Variants in UNC79 observed in about 807,000 individuals in gnomAD.
The protein encoded by UNC79 is protein unc-79 homolog.
In UNC79, 37 loss-of-function variants were observed where a neutral mutation model predicts 283.1. That is an observed-to-expected ratio of 0.13 (90% CI 0.10 to 0.17). The LOEUF (loss-of-function observed/expected upper bound fraction) is 0.17, where lower values mean the gene tolerates loss of function less well. Ranked by LOEUF, UNC79 falls within the 10% of genes least tolerant of loss-of-function variation. The pLI, the probability that UNC79 is intolerant of heterozygous loss-of-function variation, is 1.00. For missense variants in UNC79, 2,272 were observed against 3,211.1 expected (o/e 0.71, Z 7.07); for synonymous variants, 1,107 against 1,200.2 (o/e 0.92, Z 1.61).
At chr14:93,685,767 G>A (rs984334310) in intron 42 of UNC79, among the ~76,000 whole-genome samples, 5 of 152,142 alleles carry the variant, frequency 3.3e-5, no homozygotes, top group African/African-American at 4.8e-5. Flanking sequence ...TCTCTCATAC[G>A]GCTTTGATAT....
chr14:93,538,216 C>T (rs767649688), exon 12 of UNC79: 1 of 1,586,504 alleles, frequency 6.3e-7, no homozygotes, highest in South Asian at 1.2e-5. Flanking sequence ...AAGCCGTGAT[C>T]AGGTAACACG....
chr14:93,698,799 AG>A (rs1052180117), intron 47 of UNC79, among the ~76,000 whole-genome samples: 2 of 152,068 alleles, frequency 1.3e-5, no homozygotes, highest in African/African-American at 4.8e-5. Flanking sequence ...AAAAACTTGG[AG>A]GTGATGGATA....
intron 1 of UNC79, among the ~76,000 whole-genome samples, chr14:93,359,199 C>T (rs1392069031): frequency 1.3e-5 from 2 of 152,152 alleles, no homozygotes; most frequent in East Asian, 3.8e-4. Context: ...AGATGGCCCA[C>T]TGCAAGTGAG....
intron 18 of UNC79, 65 bp from the exon 19 acceptor site, chr14:93,580,084 A>G: frequency 6.9e-7 from 1 of 1,445,174 alleles, no homozygotes; most frequent in East Asian, 2.3e-5. Flanking sequence ...CAAATGGACC[A>G]AACTCCTTCT....
At chr14:93,549,389 G>A (rs2061759548) in intron 14 of UNC79, among the ~76,000 whole-genome samples, 1 of 152,158 alleles carries the variant, frequency 6.6e-6, no homozygotes, top group South Asian at 2.1e-4. Flanking sequence ...AGCAAAACGT[G>A]TGCTCAGCAT....
At chr14:93,686,515 A>G in intron 42 of UNC79, 57 bp from the exon 46 acceptor site, 1 of 1,573,424 alleles carries the variant, frequency 6.4e-7, no homozygotes, top group Non-Finnish European at 8.7e-7. Flanking sequence ...GAGTGAGGCA[A>G]TCATTGGAGT....
chr14:93,707,077 A>C, downstream of UNC79: 5 of 694,688 alleles, frequency 7.2e-6, no homozygotes. Context: ...TTCTTGCTAC[A>C]CATATTTCTG....
intron 37 of UNC79, among the ~76,000 whole-genome samples, 157 bp from the exon 41 acceptor site, chr14:93,655,077 G>A (rs759025044): frequency 4.6e-5 from 7 of 152,010 alleles, no homozygotes; most frequent in Non-Finnish European, 7.4e-5. Context: ...CGATTTTCTC[G>A]TTATCCTTCC....
At chr14:93,452,753 T>C (rs936631548) in intron 1 of UNC79, among the ~76,000 whole-genome samples, 7 of 152,106 alleles carry the variant, frequency 4.6e-5, no homozygotes, top group African/African-American at 1.7e-4. Flanking sequence ...AGCAGGGAAA[T>C]GCAATAGCAC....
At chr14:93,460,425 G>T (rs1352506755) in intron 1 of UNC79, among the ~76,000 whole-genome samples, 2 of 149,958 alleles carry the variant, frequency 1.3e-5, no homozygotes, top group South Asian at 4.3e-4. Flanking sequence ...CAGGAGAATC[G>T]CTTGAACCTG....
chr14:93,583,794 G>A (rs1258154722), intron 20 of UNC79, among the ~76,000 whole-genome samples: 2 of 142,586 alleles, frequency 1.4e-5, no homozygotes, highest in African/African-American at 5.3e-5. Flanking sequence ...TCTTTCATAT[G>A]TTGGAGGTCT....
At chr14:93,504,273 C>CTT (rs2059430552) in intron 7 of UNC79, among the ~76,000 whole-genome samples, 1 of 151,806 alleles carries the variant, frequency 6.6e-6, no homozygotes, top group Non-Finnish European at 1.5e-5. Context: ...TCCTCCTCCT[C>CTT]CATTTCTTCC....
rs77762200 is a variant in UNC79 at position 93,499,906 on chromosome 14, G to C, written c.898+2620G>C. Among the ~76,000 whole-genome samples the C allele has an allele frequency of 4.0e-3, 611 of 152,068 alleles. 2 individuals are homozygous for C. The highest frequency in any genetic ancestry group is 0.014 in the African/African-American group (586 of 41,460). On this transcript the variant is annotated intron_variant, in intron 7 of 48. Transcript: ENST00000555664. Reference sequence around the variant, plus strand: ...TGAGTGAATAAAGTGTGAGTTGCAAGGCAGAACGTACTGCAGGCAGAAGAT... The same window carrying C: ...TGAGTGAATAAAGTGTGAGTTGCAACGCAGAACGTACTGCAGGCAGAAGAT...
intron 24 of UNC79, among the ~76,000 whole-genome samples, chr14:93,599,984 G>A (rs993522483): frequency 5.3e-5 from 8 of 151,806 alleles, no homozygotes; most frequent in Non-Finnish European, 1.2e-4. Flanking sequence ...GGCAGATCAC[G>A]AGGTCAGGAG....
intron 47 of UNC79, among the ~76,000 whole-genome samples, chr14:93,695,255 G>C (rs776818460): frequency 8.6e-5 from 13 of 152,036 alleles, no homozygotes; most frequent in Non-Finnish European, 1.5e-4. Flanking sequence ...ACCCACTAGT[G>C]GGCATCAACT....
chr14:93,591,350 T>G (rs2064662860), intron 22 of UNC79, among the ~76,000 whole-genome samples: 1 of 152,190 alleles, frequency 6.6e-6, no homozygotes, highest in Non-Finnish European at 1.5e-5. Context: ...CCCTGTGCAG[T>G]TGAAAATCCT....
rs142419436 is a variant in UNC79, at chr14:93,370,521, C to G, written c.-351+36998C>G. ...AGTGTGCTGGCTCACGCCTGTAATC[C>G]CATCACGTTGGGAGGCCAAGGTGGG... On this transcript the variant is annotated intron_variant, in intron 1 of 49. Coordinates refer to the UNC79 transcript ENST00000256339. 1.4e-3 allele frequency among the ~76,000 whole-genome samples: 219 copies of G among 152,304 alleles called. 2 individuals carry two copies. Among genetic ancestry groups the G allele is most frequent in the East Asian group, 7.9e-3 (41 of 5,186 alleles).
intron 1 of UNC79, among the ~76,000 whole-genome samples, chr14:93,406,137 A>T (rs919405429): frequency 2.6e-5 from 4 of 152,246 alleles, no homozygotes; most frequent in Non-Finnish European, 4.4e-5. Context: ...CTTTGATACT[A>T]TAATTGGATG....
At chr14:93,646,742 G>T in intron 35 of UNC79, 96 bp downstream of exon 38, 2 of 1,361,366 alleles carry the variant, frequency 1.5e-6, no homozygotes. Context: ...GGGTGCAGTG[G>T]CTCGCGTCTG....
Sources: allele counts gnomAD v4.1 joint callset (sites outside exome capture counted in the v4.1 genomes callset), GRCh38; gene constraint gnomAD v4.1.1; transcripts MANE v1.5; gene names NCBI Gene and HGNC (gene_info 2026-07-23, HGNC 2026-07-21).